Variants in PRLR observed in about 807,000 individuals in gnomAD.
PRLR encodes the protein prolactin receptor.
A neutral mutation model predicts 40.2 loss-of-function variants in PRLR; 13 were observed. That is an observed-to-expected ratio of 0.32 (90% CI 0.21 to 0.51). PRLR has a LOEUF of 0.51. PRLR is among the 20% of genes least tolerant of loss of function. The pLI, the probability that PRLR is intolerant of heterozygous loss-of-function variation, is 0.97. For synonymous variants in PRLR, 269 were observed against 278.7 expected (o/e 0.97, Z 0.35); for missense variants, 656 against 747.3 (o/e 0.88, Z 1.42).
At chr5:35,053,424 C>T (rs182385255), downstream of PRLR, among the ~76,000 whole-genome samples, 18 of 152,114 alleles carry the variant, frequency 1.2e-4, no homozygotes, top group Middle Eastern at 3.4e-3. Context: ...AGGCCGAGGC[C>T]GGCGGATCAC....
At chr5:35,179,081 A>G (rs150163285) in intron 1 of PRLR, among the ~76,000 whole-genome samples, 1 of 152,288 alleles carries the variant, frequency 6.6e-6, no homozygotes, top group East Asian at 1.9e-4. Context: ...AAGGAGCCCT[A>G]TCCCTCACAG....
intron 1 of PRLR, among the ~76,000 whole-genome samples, chr5:35,157,682 A>G (rs1561339326): frequency 6.6e-6 from 1 of 152,138 alleles, no homozygotes; most frequent in Non-Finnish European, 1.5e-5. Flanking sequence ...ACATACCCTC[A>G]TCCCCTCGAA....
Position 35,060,802 on chromosome 5 carries a change from T to C in PRLR, c.*4287A>G, listed in dbSNP as rs1247318653. ...TAATTCAAAGTCATTTATATTTTTC[T>C]GTTTGTGTACAAAGTTCCAATGTGC... On this transcript the variant is annotated 3_prime_UTR_variant, in exon 10 of 10. Coordinates refer to ENST00000618457, the MANE Select transcript of PRLR (RefSeq NM_000949.7). 6.6e-6 allele frequency: 1 copy of C among 152,238 alleles called. No homozygotes were observed. Among genetic ancestry groups the C allele is most frequent in the Non-Finnish European group, 1.5e-5 (1 of 68,044 alleles). The allele number at this position is 152,238 out of a possible 1,614,324, so 9.4% of individuals were successfully genotyped here.
intron 1 of PRLR, among the ~76,000 whole-genome samples, chr5:35,174,408 C>T (rs941166213): frequency 6.6e-6 from 1 of 152,168 alleles, no homozygotes; most frequent in African/African-American, 2.4e-5. Context: ...TTTTTTTCTA[C>T]ATCGACACAT....
rs562515935 is a variant in PRLR, at chr5:35,102,961, A to G, written c.-43-13298T>C. Reference sequence around the variant, plus strand: ...AGTTTCTTCTAGCCCCTTCCACTCTATTGTTGCTTCTGATCTGATGTGAAT... The same window carrying G: ...AGTTTCTTCTAGCCCCTTCCACTCTGTTGTTGCTTCTGATCTGATGTGAAT... On this transcript the variant is annotated intron_variant, in intron 2 of 9. Transcript: ENST00000618457. Among the ~76,000 whole-genome samples the G allele has an allele frequency of 2.6e-5, 4 of 152,198 alleles. No individual in the cohort carries two copies. In the East Asian group the frequency reaches 5.8e-4, roughly 22 times the overall value.
intron 2 of PRLR, among the ~76,000 whole-genome samples, chr5:35,109,419 A>C (rs796849597): frequency 6.6e-6 from 1 of 152,218 alleles, no homozygotes; most frequent in Non-Finnish European, 1.5e-5. Flanking sequence ...TCACCATCAG[A>C]GCGAACTGGC....
At chr5:35,219,736 T>A (rs1226143807) in intron 1 of PRLR, among the ~76,000 whole-genome samples, 1 of 152,224 alleles carries the variant, frequency 6.6e-6, no homozygotes, top group African/African-American at 2.4e-5. Context: ...TTTTTATGGT[T>A]AAGAGGCAAA....
chr5:35,158,544 C>T (rs1207402775), intron 1 of PRLR, among the ~76,000 whole-genome samples: 2 of 152,092 alleles, frequency 1.3e-5, no homozygotes, highest in African/African-American at 4.8e-5. Context: ...GCTTACTCCC[C>T]ATGATTCGAG....
chr5:35,200,959 A>G (rs1775868355), intron 1 of PRLR, among the ~76,000 whole-genome samples: 1 of 152,204 alleles, frequency 6.6e-6, no homozygotes, highest in African/African-American at 2.4e-5. Flanking sequence ...GACTCTATTC[A>G]TAAGGCTCTA....
exon 9 of PRLR, chr5:35,049,120 C>A (rs1768385436): frequency 1.4e-6 from 1 of 693,298 alleles, no homozygotes. Flanking sequence ...GCTTTGGGGG[C>A]AGTAGGGAGT....
At chr5:35,054,968 T>G (rs1041461300), downstream of PRLR, among the ~76,000 whole-genome samples, 3 of 152,194 alleles carry the variant, frequency 2.0e-5, no homozygotes, top group Admixed American at 2.0e-4. Context: ...TCTGTGATAT[T>G]AAATGAATCT....
chr5:35,147,584 G>A (rs1405333801), intron 1 of PRLR, among the ~76,000 whole-genome samples: 1 of 152,124 alleles, frequency 6.6e-6, no homozygotes, highest in African/African-American at 2.4e-5. Context: ...GTGTTCTCAG[G>A]ATTCGTTGAG....
intron 3 of PRLR, among the ~76,000 whole-genome samples, chr5:35,089,240 T>C (rs896976775): frequency 1.3e-5 from 2 of 152,216 alleles, no homozygotes; most frequent in African/African-American, 4.8e-5. Context: ...GTTAGGTAAT[T>C]GGCTCTAGGT....
At chr5:35,108,587 C>T (rs545196346) in intron 2 of PRLR, among the ~76,000 whole-genome samples, 2 of 152,182 alleles carry the variant, frequency 1.3e-5, no homozygotes, top group African/African-American at 4.8e-5. Flanking sequence ...AAACAGAAAG[C>T]CAAATCATGA....
At chr5:35,142,411 A>G (rs931296680) in intron 1 of PRLR, among the ~76,000 whole-genome samples, 3 of 152,134 alleles carry the variant, frequency 2.0e-5, no homozygotes, top group African/African-American at 7.2e-5. Flanking sequence ...GGAAGGCAAT[A>G]TTTGCTCTAA....
intron 1 of PRLR, among the ~76,000 whole-genome samples, chr5:35,133,391 T>C (rs2111785826): frequency 6.6e-6 from 1 of 152,304 alleles, no homozygotes; most frequent in East Asian, 1.9e-4. Flanking sequence ...TGAAAAGCCA[T>C]GTAACACCTG....
At chr5:35,206,301 AG>A (rs1776013298) in intron 1 of PRLR, among the ~76,000 whole-genome samples, 1 of 152,128 alleles carries the variant, frequency 6.6e-6, no homozygotes, top group South Asian at 2.1e-4. Flanking sequence ...ATGGGATAAA[AG>A]GTGGCGAATC....
chr5:35,111,850 T>C (rs1419636154), intron 2 of PRLR, among the ~76,000 whole-genome samples: 1 of 152,204 alleles, frequency 6.6e-6, no homozygotes, highest in Admixed American at 6.5e-5. Flanking sequence ...TTGGGAGTAG[T>C]TGTTTCTGGG....
intron 1 of PRLR, among the ~76,000 whole-genome samples, chr5:35,139,970 T>A (rs1020053987): frequency 1.3e-5 from 2 of 152,180 alleles, no homozygotes; most frequent in Non-Finnish European, 2.9e-5. Context: ...TTTGAAGTAA[T>A]TACATTGGTG....
Sources: allele counts gnomAD v4.1 joint callset (sites outside exome capture counted in the v4.1 genomes callset), GRCh38; gene constraint gnomAD v4.1.1; transcripts MANE v1.5; gene names NCBI Gene and HGNC (gene_info 2026-07-23, HGNC 2026-07-21).